The following MYH9 variants were observed in gnomAD, a reference collection of about 807,000 sequenced individuals.
The protein encoded by MYH9 is myosin-9.
In MYH9, 29 loss-of-function variants were observed where a neutral mutation model predicts 241.9. The observed-to-expected ratio is 0.12, with a 90% CI of 0.09 to 0.16. MYH9 has a LOEUF of 0.16. Among genes scored for constraint, MYH9 ranks in the 10% least tolerant of loss-of-function variants. The pLI, the probability that MYH9 is intolerant of heterozygous loss-of-function variation, is 1.00. For synonymous variants in MYH9, 1,047 were observed against 1,062.6 expected (o/e 0.99, Z 0.29); for missense variants, 1,803 against 2,595.5 (o/e 0.69, Z 6.63).
Position 36,348,945 on chromosome 22 carries a change from G to A in MYH9, c.292C>T (p.Leu98=), listed in dbSNP as rs2017724069. The change falls in exon 2 of 41, where the codon CTG becomes TTG. Residue 98 remains leucine, a synonymous_variant. Coordinates refer to ENST00000216181, the MANE Select transcript of MYH9 (RefSeq NM_002473.6). ...TAGTAACGCTCCTTGAGGTTGTGCA[G>A]CACCGAGGCTTCGTTGAGGCACGTG... The part of the protein sequence containing the change: ...ELTCLNEASV[L]HNLKERYYSG... 4 of 1,613,782 alleles carry A rather than the reference G, an allele frequency of 2.5e-6. No homozygotes were observed. The East Asian group carries it at 6.7e-5, about 27-fold the overall frequency.
In MYH9 at chr22:36,293,872, G is replaced by A. The variant is rs2016746180; in HGVS notation, c.3838-9C>T. ...ACGTTGTCCAGCTCCACCTGCACCGGGCGGGGAGACACAAAGGACCATGGA... is the reference window on the plus strand; with the variant it reads ...ACGTTGTCCAGCTCCACCTGCACCGAGCGGGGAGACACAAAGGACCATGGA... On this transcript the variant is annotated splice_polypyrimidine_tract_variant and intron_variant, in intron 28 of 40. Coordinates refer to ENST00000216181, the MANE Select transcript of MYH9 (RefSeq NM_002473.6). The surrounding 1 kb of genome is among the most constrained non-coding windows in gnomAD (Gnocchi z 5.1). The A allele has an allele frequency of 1.9e-6, 3 of 1,610,828 alleles. No individual in the cohort carries two copies. Among genetic ancestry groups the A allele is most frequent in the East Asian group, 2.2e-5 (1 of 44,720 alleles).
In MYH9 at chr22:36,288,577, C is replaced by T; in HGVS notation, c.4770+150G>A. Reference sequence around the variant, plus strand: ...AACTCTAAGAAAGTGAGTCACTGAACCCCGAGACAGGAGGCTAGAAAGAAG... The same window carrying T: ...AACTCTAAGAAAGTGAGTCACTGAATCCCGAGACAGGAGGCTAGAAAGAAG... On this transcript the variant is annotated intron_variant, in intron 33 of 40. Transcript: ENST00000216181. This position sits in a 1 kb window ranked among gnomAD's most constrained non-coding sequence, Gnocchi z 4.8. 2.3e-6 allele frequency: 3 copies of T among 1,309,690 alleles called. No individual in the cohort carries two copies. The highest frequency in any genetic ancestry group is 1.7e-5 in the Admixed American group (1 of 58,292). The allele number at this position is 1,309,690 out of a possible 1,614,324, so 81.1% of individuals were successfully genotyped here. A position where few individuals can be genotyped will look rare whatever the true frequency, so the allele number is the denominator to read the frequency against.
At chr22:36,350,712 T>C (rs937266119) in intron 1 of MYH9, among the ~76,000 whole-genome samples, 1 of 152,168 alleles carries the variant, frequency 6.6e-6, no homozygotes, top group African/African-American at 2.4e-5. Flanking sequence ...GCTCCCTGGA[T>C]GTAAGGGGCT....
In MYH9 at chr22:36,299,050, G is replaced by C; in HGVS notation, c.2977-8C>G. On this transcript the variant is annotated splice_region_variant and splice_polypyrimidine_tract_variant and intron_variant, in intron 23 of 40. Coordinates refer to ENST00000216181, the MANE Select transcript of MYH9 (RefSeq NM_002473.6). ...TTCCAGCAGTTTCTTTTCCTGGGGA[G>C]AGGGGAGTAGGCTGGCATTTAGTGT... The C allele has an allele frequency of 6.2e-7, 1 of 1,613,982 alleles. No homozygotes were observed. Among genetic ancestry groups the C allele is most frequent in the Non-Finnish European group, 8.5e-7 (1 of 1,179,964 alleles).
In MYH9 at chr22:36,288,658, G is replaced by A; in HGVS notation, c.4770+69C>T. The A allele has an allele frequency of 1.3e-6, 2 of 1,565,336 alleles. No individual in the cohort carries two copies. Among genetic ancestry groups the A allele is most frequent in the Non-Finnish European group, 1.7e-6 (2 of 1,149,802 alleles). ...CCCTAACACAATCCAGGTGGAAGGA[G>A]AGAACAGAAGCCTGCGTGAAGCCAA... is the stretch of plus-strand genomic sequence containing the variant. On this transcript the variant is annotated intron_variant, in intron 33 of 40. Transcript: ENST00000216181. This position sits in a 1 kb window ranked among gnomAD's most constrained non-coding sequence, Gnocchi z 4.8.
chr22:36,314,375 G>A, intron 12 of MYH9, 57 bp from the exon 13 acceptor site: 1 of 1,601,122 alleles, frequency 6.2e-7, no homozygotes, highest in Non-Finnish European at 8.5e-7. Context: ...AAGAGGCCCA[G>A]ACACCCCTTG....
Position 36,349,067 on chromosome 22 carries a change from T to A in MYH9, c.170A>T (p.Glu57Val), listed in dbSNP as rs751041617. 16 of 1,614,100 alleles carry A rather than the reference T, an allele frequency of 9.9e-6. 1 individual carries two copies. In the South Asian group the frequency reaches 1.6e-4, roughly 17 times the overall value. The stretch of plus-strand genomic sequence containing the variant: ...CACCTTCTTCCCATTCTCCACCAGC[T>A]CCACGATGGCCTCTTCGCCCACCTC... ...KEEVGEEAIV[E>V]LVENGKKVKV... Residue 57 changes from glutamate to valine, a missense_variant, in exon 2 of 41, where the codon GAG becomes GTG. This residue lies in a region of MYH9 where 75 missense variants were observed against 79.1 expected (regional missense o/e 0.95). Coordinates refer to ENST00000216181, the MANE Select transcript of MYH9 (RefSeq NM_002473.6).
chr22:36,283,279 G>A (rs373039232), intron 40 of MYH9, among the ~76,000 whole-genome samples: 12 of 152,230 alleles, frequency 7.9e-5, no homozygotes, highest in African/African-American at 2.6e-4. Flanking sequence ...GCTCATCCTT[G>A]TAATCTCAGC....
intron 30 of MYH9, 80 bp from the exon 31 acceptor site, chr22:36,292,314 G>A (rs2016719315): frequency 1.3e-6 from 2 of 1,576,040 alleles, no homozygotes; most frequent in South Asian, 1.1e-5. Context: ...GCAGCTGGGA[G>A]CCTGCCTGCC....
At chr22:36,374,793 G>A (rs12158440) in intron 1 of MYH9, among the ~76,000 whole-genome samples, 95 of 152,300 alleles carry the variant, frequency 6.2e-4, no homozygotes, top group African/African-American at 2.2e-3. Flanking sequence ...GCCTAAGGAG[G>A]AGAGGAAACG....
chr22:36,312,611 G>A (rs768630642), intron 13 of MYH9, among the ~76,000 whole-genome samples: 11 of 152,112 alleles, frequency 7.2e-5, no homozygotes, highest in African/African-American at 1.7e-4. Context: ...CATGCTTTGC[G>A]TCTGCATGTC....
chr22:36,301,805 G>A, intron 20 of MYH9, 140 bp from the exon 21 acceptor site: 1 of 1,163,104 alleles, frequency 8.6e-7, no homozygotes, highest in Non-Finnish European at 1.2e-6. Flanking sequence ...CTGCAAGCAG[G>A]CACATCCTTC....
intron 4 of MYH9, among the ~76,000 whole-genome samples, chr22:36,327,047 T>A (rs547704664): frequency 2.0e-5 from 3 of 152,332 alleles, no homozygotes; most frequent in East Asian, 3.9e-4. Flanking sequence ...CAATGGGGTT[T>A]ATGGATCTCC....
chr22:36,297,584 C>T (rs1183826346), intron 24 of MYH9, among the ~76,000 whole-genome samples: 3 of 152,216 alleles, frequency 2.0e-5, no homozygotes, highest in Admixed American at 2.0e-4. Flanking sequence ...TTATTCCCTG[C>T]CGTGCCTTTG....
chr22:36,304,976 C>T, intron 18 of MYH9, 57 bp downstream of exon 18: 1 of 1,554,906 alleles, frequency 6.4e-7, no homozygotes. Context: ...GCCACGTGGG[C>T]ACTCCCCAGA....
intron 1 of MYH9, among the ~76,000 whole-genome samples, chr22:36,354,091 G>T (rs1009852089): frequency 6.6e-6 from 1 of 151,966 alleles, no homozygotes; most frequent in African/African-American, 2.4e-5. Flanking sequence ...TAGTAGAGAC[G>T]GGGTTTCACC....
At chr22:36,332,914 G>A (rs910680963) in intron 3 of MYH9, among the ~76,000 whole-genome samples, 2 of 152,134 alleles carry the variant, frequency 1.3e-5, no homozygotes, top group Non-Finnish European at 2.9e-5. Flanking sequence ...AGACTGGAGG[G>A]AAATTCAAAA....
At chr22:36,366,763 T>C (rs1338503000) in intron 1 of MYH9, among the ~76,000 whole-genome samples, 1 of 152,094 alleles carries the variant, frequency 6.6e-6, no homozygotes, top group East Asian at 1.9e-4. Flanking sequence ...GACGGTGTTC[T>C]AAAGGCTTAA....
chr22:36,349,004 G>T lies in MYH9; in HGVS notation c.233C>A (p.Pro78His). Residue 78 changes from proline (P) to histidine (H), a missense_variant, in exon 2 of 41, where the codon CCC (proline) becomes CAC (histidine). Physicochemically the swap from Pro to His is moderately conservative, Grantham distance 77 (BLOSUM62 -2). This residue lies in a region of MYH9 where 72 missense variants were observed against 134.3 expected (regional missense o/e 0.54). Transcript: ENST00000216181. ...NKDDIQKMNP[P>H]KFSKVEDMAE... ...CATGTCCTCCACCTTGGAGAACTTG[G>T]GCGGGTTCATCTTCTGGATGTCATC... 1 of 1,614,204 alleles carries T rather than the reference G, an allele frequency of 6.2e-7. No homozygotes were observed. Among genetic ancestry groups the T allele is most frequent in the Non-Finnish European group, 8.5e-7 (1 of 1,180,028 alleles).
Sources: allele counts gnomAD v4.1 joint callset (sites outside exome capture counted in the v4.1 genomes callset), GRCh38; gene constraint gnomAD v4.1.1; regional missense constraint gnomAD v4.1.1; non-coding constraint Gnocchi (gnomAD v3.1); transcripts MANE v1.5; gene names NCBI Gene and HGNC (gene_info 2026-07-23, HGNC 2026-07-21).